RBFOX1: variants seen among roughly 807,000 people sequenced by gnomAD.
The protein encoded by RBFOX1 is RNA binding protein fox-1 homolog 1.
In RBFOX1, 8 loss-of-function variants were observed where a neutral mutation model predicts 57.7. The ratio of observed to expected loss-of-function variants is 0.14; its 90% confidence interval spans 0.08 to 0.25. The LOEUF (loss-of-function observed/expected upper bound fraction) is 0.25, where lower values mean the gene tolerates loss of function less well. Ranked by LOEUF, RBFOX1 falls within the 10% of genes least tolerant of loss-of-function variation. The pLI is 1.00. For missense variants in RBFOX1, 611 were observed against 548.5 expected, an observed-to-expected ratio of 1.11 and a Z score of -1.14; for synonymous variants, 326 against 222.4, an observed-to-expected ratio of 1.47 and a Z score of -4.15.
intron 3 of RBFOX1, among the ~76,000 whole-genome samples, chr16:6,711,403 G>T (rs150367834): frequency 6.6e-6 from 1 of 152,130 alleles, no homozygotes; most frequent in Non-Finnish European, 1.5e-5. Context: ...TCCTGATATG[G>T]TTTGACTCTG....
chr16:7,268,233 A>G (rs1228888784), intron 4 of RBFOX1, among the ~76,000 whole-genome samples: 1 of 152,202 alleles, frequency 6.6e-6, no homozygotes, highest in Non-Finnish European at 1.5e-5. Flanking sequence ...TAGTTACTGA[A>G]CTGAAATGTG....
chr16:7,057,967 C>T (rs1294198726), intron 4 of RBFOX1, among the ~76,000 whole-genome samples: 1 of 143,080 alleles, frequency 7.0e-6, no homozygotes, highest in Non-Finnish European at 1.5e-5. Flanking sequence ...GAGATCATGC[C>T]ACTGCACTCC....
chr16:6,257,656 T>G (rs2097676640), intron 1 of RBFOX1, among the ~76,000 whole-genome samples: 1 of 152,184 alleles, frequency 6.6e-6, no homozygotes, highest in Non-Finnish European at 1.5e-5. Flanking sequence ...TTCCCATTTA[T>G]AAGTGAGACC....
At chr16:5,570,217 AG>A (rs1393672104) in intron 2 of RBFOX1, among the ~76,000 whole-genome samples, 1 of 152,118 alleles carries the variant, frequency 6.6e-6, no homozygotes, top group Non-Finnish European at 1.5e-5. Context: ...TACATACAGC[AG>A]GGGTTTGCAC....
intron 11 of RBFOX1, among the ~76,000 whole-genome samples, chr16:7,638,057 A>ATGTT: frequency 6.6e-6 from 1 of 152,236 alleles, no homozygotes; most frequent in East Asian, 1.9e-4. Flanking sequence ...AAAAGATTGC[A>ATGTT]TTAAAACATG....
At chr16:7,108,748 G>T (rs568312093) in intron 4 of RBFOX1, among the ~76,000 whole-genome samples, 1 of 152,146 alleles carries the variant, frequency 6.6e-6, no homozygotes, top group African/African-American at 2.4e-5. Flanking sequence ...ATTTATCTTG[G>T]AGATACACTC....
At chr16:7,548,635 G>T (rs147599227) in intron 5 of RBFOX1, among the ~76,000 whole-genome samples, 12 of 152,158 alleles carry the variant, frequency 7.9e-5, no homozygotes, top group East Asian at 5.8e-4. Flanking sequence ...GGGCAGGAGC[G>T]GGGGGGCAGT....
rs368614012 is a variant in RBFOX1 at position 6,322,324 on chromosome 16, A to G, written c.-64+5267A>G. Among the ~76,000 whole-genome samples, 19 of 152,288 alleles carry G rather than the reference A, an allele frequency of 1.2e-4. No homozygotes were observed. In the East Asian group the frequency reaches 2.3e-3, roughly 19 times the overall value. ...TAAGCTCATCCTTACCTAACATTTT[A>G]TCTTTTCTCCATGAATCCCTCAATA... On this transcript the variant is annotated intron_variant, in intron 2 of 15. Coordinates refer to ENST00000550418, the MANE Select transcript of RBFOX1 (RefSeq NM_018723.4).
chr16:5,677,683 T>C (rs1287691761), intron 3 of RBFOX1, among the ~76,000 whole-genome samples: 2 of 152,224 alleles, frequency 1.3e-5, no homozygotes, highest in African/African-American at 2.4e-5. Context: ...GAGCTTGTTA[T>C]AGGGTCCTTC....
chr16:7,269,470 G>GAC (rs1469363033), intron 4 of RBFOX1, among the ~76,000 whole-genome samples: 35 of 152,200 alleles, frequency 2.3e-4, no homozygotes, highest in African/African-American at 7.9e-4. Context: ...GGGACAGAGA[G>GAC]AGAGAGAGGC....
chr16:6,853,190 T>C lies in RBFOX1; in HGVS notation c.-16+198540T>C, dbSNP rs763153002. The stretch of plus-strand genomic sequence containing the variant: ...TTCCTCCTTTGTAAAAGGAGACTAA[T>C]ACTGGTGTTTACCCTTAGGGCTTTT... On this transcript the variant is annotated intron_variant, in intron 3 of 15. Transcript: ENST00000550418. Among the ~76,000 whole-genome samples, 79 of 152,194 alleles carry C rather than the reference T, an allele frequency of 5.2e-4. 2 individuals are homozygous for C. Among genetic ancestry groups the C allele is most frequent in the Admixed American group, 2.6e-4 (4 of 15,268 alleles).
chr16:6,467,056 A>G (rs2095065676), intron 2 of RBFOX1, among the ~76,000 whole-genome samples: 1 of 151,028 alleles, frequency 6.6e-6, no homozygotes, highest in Admixed American at 6.6e-5. Context: ...AATGTAACAT[A>G]TGGGATTTTA....
Position 7,518,195 on chromosome 16 carries a change from G to A in RBFOX1, c.76G>A (p.Ala26Thr). 1.9e-6 allele frequency: 3 copies of A among 1,613,976 alleles called. No homozygotes were observed. The highest frequency in any genetic ancestry group is 2.5e-6 in the Non-Finnish European group (3 of 1,179,960). ...AAPDTMAQPY[A>T]SAQFAPPQNG... ...CCCTGACACAATGGCTCAGCCTTAC[G>A]CTTCGGCCCAGTTTGCTCCCCCGCA... The change falls in exon 5 of 16, where the codon GCT becomes ACT. Residue 26 changes from alanine (A) to threonine (T), a missense_variant. Ala to Thr is a moderately conservative substitution (Grantham distance 58, BLOSUM62 0). Around this residue, in one of 3 missense-constraint regions of RBFOX1, gnomAD observed 245 missense variants for 159.1 expected, o/e 1.54. Transcript: ENST00000550418.
chr16:6,386,399 C>T lies in RBFOX1; in HGVS notation c.-64+69342C>T, dbSNP rs570753024. ...TGTATTTTCTATCATGATTATCATC[C>T]ACTTCTTGCTGTGTATTGGCATGAG... On this transcript the variant is annotated intron_variant, in intron 2 of 15. Coordinates refer to ENST00000550418, the MANE Select transcript of RBFOX1 (RefSeq NM_018723.4). Among the ~76,000 whole-genome samples the T allele has an allele frequency of 4.6e-5, 7 of 152,270 alleles. No homozygotes were observed. In the South Asian group the frequency reaches 1.2e-3, roughly 27 times the overall value.
At chr16:6,206,001 A>C (rs2097253061) in intron 1 of RBFOX1, among the ~76,000 whole-genome samples, 1 of 151,476 alleles carries the variant, frequency 6.6e-6, no homozygotes, top group African/African-American at 2.4e-5. Flanking sequence ...AGGGTCATCT[A>C]AAGAGCAGAA....
At chr16:7,402,015 A>G (rs2098252568) in intron 4 of RBFOX1, among the ~76,000 whole-genome samples, 1 of 152,084 alleles carries the variant, frequency 6.6e-6, no homozygotes, top group African/African-American at 2.4e-5. Context: ...TTAAAAAGTT[A>G]TTTTTATTTT....
intron 1 of RBFOX1, among the ~76,000 whole-genome samples, chr16:6,142,189 C>CAAA (rs71142685): frequency 0.33 from 16,079 of 49,080 alleles, 3,671 homozygotes; most frequent in Middle Eastern, 0.42. Context: ...GCTGCTGCTG[C>CAAA]AAAAAAAAAA....
intron 1 of RBFOX1, among the ~76,000 whole-genome samples, chr16:6,103,876 G>C (rs371134576): frequency 2.2e-4 from 33 of 152,286 alleles, no homozygotes; most frequent in African/African-American, 7.9e-4. Flanking sequence ...TTTGGTACCT[G>C]AAATTCCCCT....
chr16:5,381,213 TA>T (rs1484316845), intron 1 of RBFOX1, among the ~76,000 whole-genome samples: 2 of 152,280 alleles, frequency 1.3e-5, no homozygotes, highest in East Asian at 3.9e-4. Context: ...AGAGACTCAG[TA>T]AAAGGCAGGG....
Sources: allele counts gnomAD v4.1 joint callset (sites outside exome capture counted in the v4.1 genomes callset), GRCh38; gene constraint gnomAD v4.1.1; regional missense constraint gnomAD v4.1.1; transcripts MANE v1.5; gene names NCBI Gene and HGNC (gene_info 2026-07-23, HGNC 2026-07-21).